Variants in CADM3 observed in about 807,000 individuals in gnomAD.
The protein encoded by CADM3 is TSLC1-like 1.
Under a neutral mutation model 44.9 loss-of-function variants are expected in CADM3, and 11 were observed. The observed-to-expected ratio is 0.25, with a 90% CI of 0.15 to 0.41. CADM3 has a LOEUF of 0.41. CADM3 is among the 10% of genes least tolerant of loss of function. CADM3 has a pLI of 1.00. For missense variants in CADM3, 426 were observed against 512.0 expected (o/e 0.83, Z 1.62); for synonymous variants, 207 against 205.2 (o/e 1.01, Z -0.08).
rs1649696099 is a variant in CADM3 at position 159,192,224 on chromosome 1, A to G, written c.229+148A>G. The G allele has an allele frequency of 5.9e-6, 5 of 847,898 alleles. No homozygotes were observed. The Admixed American group carries it at 1.0e-4, about 18-fold the overall frequency. 52.5% of individuals were successfully genotyped at this position (847,898 alleles called of 1,614,324 possible). On this transcript the variant is annotated intron_variant, in intron 2 of 8. Coordinates refer to ENST00000368125, the MANE Select transcript of CADM3 (RefSeq NM_001127173.3). ...GATGTAACAAGCCATGAGTTCCCCA[A>G]CTGGTTCCAGTATTGCAGCTCTGAT...
rs1034776259 is a variant in CADM3 at position 159,185,672 on chromosome 1, T to C, written c.89-6264T>C. On this transcript the variant is annotated intron_variant, in intron 1 of 8. Transcript: ENST00000368125. ...TTGATAAATACCAATTTCTTCTGTC[T>C]TATAGTTTTCTGGGTAGTCTACCAT... 5.3e-5 allele frequency among the ~76,000 whole-genome samples: 8 copies of C among 152,234 alleles called. No individual in the cohort carries two copies. The East Asian group carries it at 1.5e-3, about 29-fold the overall frequency.
intron 3 of CADM3, 104 bp downstream of exon 3, chr1:159,192,834 C>A: frequency 8.1e-7 from 1 of 1,235,578 alleles, no homozygotes; most frequent in Non-Finnish European, 1.1e-6. Context: ...TCTCCAAGCA[C>A]TTTAGGAAAG....
chr1:159,185,696 A>G (rs1571012637), intron 1 of CADM3, among the ~76,000 whole-genome samples: 1 of 152,182 alleles, frequency 6.6e-6, no homozygotes, highest in Non-Finnish European at 1.5e-5. Flanking sequence ...GTAGTCTACC[A>G]TCTCCCTTGG....
At chr1:159,198,570 C>T (rs1477515123) in intron 7 of CADM3, among the ~76,000 whole-genome samples, 1 of 152,046 alleles carries the variant, frequency 6.6e-6, no homozygotes, top group Non-Finnish European at 1.5e-5. Context: ...GGAACTGAAA[C>T]GCGGGCCCAG....
chr1:159,184,171 T>C lies in CADM3; in HGVS notation c.89-7765T>C, dbSNP rs1000495552. 6.6e-5 allele frequency among the ~76,000 whole-genome samples: 10 copies of C among 152,358 alleles called. No homozygotes were observed. The South Asian group carries it at 8.3e-4, about 13-fold the overall frequency. ...TTTGCTATGGCCAGTCTCTTGTGCATGTGATCCAACTGTACATAGAATTCA... is the reference window on the plus strand; with the variant it reads ...TTTGCTATGGCCAGTCTCTTGTGCACGTGATCCAACTGTACATAGAATTCA... On this transcript the variant is annotated intron_variant, in intron 1 of 8. Coordinates refer to ENST00000368125, the MANE Select transcript of CADM3 (RefSeq NM_001127173.3).
chr1:159,192,456 A>T lies in CADM3; in HGVS notation c.230-122A>T, dbSNP rs35133972. On this transcript the variant is annotated intron_variant, in intron 2 of 8. Coordinates refer to ENST00000368125, the MANE Select transcript of CADM3 (RefSeq NM_001127173.3). ...TTAAAGACTGCTTAAACTCAGGAGC[A>T]GTTATTTTTTCCCCACCCACCATAC... 3.4e-3 allele frequency: 3,676 copies of T among 1,071,622 alleles called. 83 individuals carry two copies. The African/African-American group carries it at 0.046, about 13-fold the overall frequency. The allele number at this position is 1,071,622 out of a possible 1,614,324, so 66.4% of individuals were successfully genotyped here.
intron 1 of CADM3, among the ~76,000 whole-genome samples, chr1:159,179,654 C>A (rs1649153729): frequency 6.6e-6 from 1 of 152,172 alleles, no homozygotes; most frequent in South Asian, 2.1e-4. Flanking sequence ...CCTTCTATGA[C>A]CTGGCGCTTT....
At chr1:159,179,441 G>A (rs1376294726) in intron 1 of CADM3, among the ~76,000 whole-genome samples, 1 of 152,128 alleles carries the variant, frequency 6.6e-6, no homozygotes, top group Non-Finnish European at 1.5e-5. Flanking sequence ...AGAAGGTCAG[G>A]TGCATCACCT....
rs536059928 is a variant in CADM3 at position 159,197,311 on chromosome 1, A to G, written c.952+251A>G. 71 of 429,362 alleles carry G rather than the reference A, an allele frequency of 1.7e-4. No homozygotes were observed. The Middle Eastern group carries it at 1.8e-3, about 11-fold the overall frequency. 26.6% of individuals were successfully genotyped at this position (429,362 alleles called of 1,614,324 possible). A position where few individuals can be genotyped will look rare whatever the true frequency, so the allele number is the denominator to read the frequency against. ...TTCTTTGGTAGTGGTGGCCTGGGTG[A>G]CACCATCTTCCATCCCCTGCACTTG... On this transcript the variant is annotated intron_variant, in intron 7 of 8. Coordinates refer to ENST00000368125, the MANE Select transcript of CADM3 (RefSeq NM_001127173.3).
At chr1:159,185,135 G>A (rs140530226) in intron 1 of CADM3, among the ~76,000 whole-genome samples, 2 of 152,248 alleles carry the variant, frequency 1.3e-5, no homozygotes, top group African/African-American at 4.8e-5. Context: ...TTGGTTATCT[G>A]AAGAGTCCCA....
intron 1 of CADM3, among the ~76,000 whole-genome samples, chr1:159,179,448 A>G (rs3026972): frequency 6.6e-6 from 1 of 152,136 alleles, no homozygotes; most frequent in Non-Finnish European, 1.5e-5. Flanking sequence ...CAGGTGCATC[A>G]CCTTGCTCTA....
chr1:159,183,535 G>A (rs1649311053), intron 1 of CADM3, among the ~76,000 whole-genome samples: 1 of 152,190 alleles, frequency 6.6e-6, no homozygotes, highest in Non-Finnish European at 1.5e-5. Context: ...AGGGAGGTAG[G>A]CAGCTGAAGC....
Position 159,200,835 on chromosome 1 carries a change from C to T in CADM3, c.1110C>T (p.Ser370=), listed in dbSNP as rs776615629. Residue 370 remains serine (S), a synonymous_variant, in exon 9 of 9, where the codon TCC becomes TCT. Transcript: ENST00000368125. ...GTYLTHEAKG[S]DDAPDADTAI... is the part of the protein sequence containing the mutation. ...ACCTGACACATGAGGCAAAAGGCTC[C>T]GACGATGCTCCAGACGCGGACACGG... 1.6e-5 allele frequency: 26 copies of T among 1,608,736 alleles called. No individual in the cohort carries two copies. In the Middle Eastern group the frequency reaches 5.0e-4, roughly 31 times the overall value.
chr1:159,178,137 A>G (rs1209339765), intron 1 of CADM3, among the ~76,000 whole-genome samples: 1 of 152,252 alleles, frequency 6.6e-6, no homozygotes, highest in African/African-American at 2.4e-5. Flanking sequence ...TTTAGGCAAT[A>G]ACGACAGGGG....
At chr1:159,200,220 T>C (rs1251746633) in intron 8 of CADM3, among the ~76,000 whole-genome samples, 1 of 152,208 alleles carries the variant, frequency 6.6e-6, no homozygotes, top group Non-Finnish European at 1.5e-5. Context: ...TTCCTGCGCT[T>C]TCTTCCTTTC....
Position 159,199,732 on chromosome 1 carries a change from G to C in CADM3, c.953-19G>C, listed in dbSNP as rs766299440. On this transcript the variant is annotated intron_variant, in intron 7 of 8. Coordinates refer to ENST00000368125, the MANE Select transcript of CADM3 (RefSeq NM_001127173.3). Reference sequence around the variant, plus strand: ...GGGCTCTCCCCAGATCTGACTGTGTGTGTTGCCCTTTCTTCCAGACCCCAG... The same window carrying C: ...GGGCTCTCCCCAGATCTGACTGTGTCTGTTGCCCTTTCTTCCAGACCCCAG... The C allele has an allele frequency of 1.2e-6, 2 of 1,614,016 alleles. No individual in the cohort carries two copies. The highest frequency in any genetic ancestry group is 2.7e-5 in the African/African-American group (2 of 74,896).
intron 1 of CADM3, among the ~76,000 whole-genome samples, chr1:159,174,151 C>T (rs1305465576): frequency 6.6e-6 from 1 of 152,198 alleles, no homozygotes; most frequent in East Asian, 1.9e-4. Context: ...ATTATCTTTA[C>T]AGATAATGGA....
chr1:159,199,982 G>C, intron 8 of CADM3, 106 bp downstream of exon 8: 3 of 1,411,882 alleles, frequency 2.1e-6, no homozygotes, highest in South Asian at 2.5e-5. Context: ...TCAGAGACTT[G>C]TCAGCCCTTT....
intron 2 of CADM3, 66 bp downstream of exon 2, chr1:159,192,142 G>A (rs1649691161): frequency 1.2e-5 from 18 of 1,531,168 alleles, no homozygotes; most frequent in East Asian, 2.3e-5. Flanking sequence ...TGCAGACACC[G>A]AGGGGAACTG....
Sources: gnomAD v4.1 joint callset for allele counts (sites outside exome capture counted in the v4.1 genomes callset) on GRCh38, gnomAD v4.1.1 for gene constraint, MANE v1.5 for transcripts, NCBI Gene and HGNC (gene_info 2026-07-23, HGNC 2026-07-21) for gene names.